The following MAGI2 variants were observed in gnomAD, a reference collection of about 807,000 sequenced individuals.
MAGI2 encodes the protein membrane associated guanylate kinase, WW and PDZ domain containing 2, also known as membrane-associated guanylate kinase, WW and PDZ domain-containing protein 2.
A neutral mutation model predicts 133.3 loss-of-function variants in MAGI2; 35 were observed. The observed-to-expected ratio is 0.26, with a 90% confidence interval of 0.20 to 0.35. MAGI2 has a LOEUF of 0.35. MAGI2 is among the 10% of genes least tolerant of loss of function. The pLI is 1.00. For synonymous variants in MAGI2, 729 were observed against 710.6 expected (o/e 1.03, Z -0.41); for missense variants, 1,636 against 1,863.4 (o/e 0.88, Z 2.25).
At chr7:78,254,418 A>C (rs889398587) in intron 10 of MAGI2, 10 of 152,222 alleles carry the variant, frequency 6.6e-5, no homozygotes, top group Non-Finnish European at 8.8e-5. Context: ...ATGGCTATTT[A>C]ATTAGCAATG....
intron 6 of MAGI2, among the ~76,000 whole-genome samples, chr7:78,489,171 T>A (rs937348858): frequency 1.3e-5 from 2 of 152,070 alleles, no homozygotes; most frequent in African/African-American, 4.8e-5. Context: ...CATCTAGTCC[T>A]CAAAATTATT....
At chr7:79,253,965 T>C (rs982993935) in intron 1 of MAGI2, among the ~76,000 whole-genome samples, 5 of 143,670 alleles carry the variant, frequency 3.5e-5, no homozygotes, top group Non-Finnish European at 6.1e-5. Flanking sequence ...TTTTGAGAGC[T>C]ATGCTAAATT....
intron 1 of MAGI2, among the ~76,000 whole-genome samples, chr7:79,086,462 A>G (rs2129542218): frequency 6.6e-6 from 1 of 152,066 alleles, no homozygotes; most frequent in South Asian, 2.1e-4. Context: ...TTAAAATGGC[A>G]CAAAACTCAC....
At chr7:78,237,793 A>T (rs1331418049) in intron 10 of MAGI2, among the ~76,000 whole-genome samples, 2 of 152,226 alleles carry the variant, frequency 1.3e-5, no homozygotes, top group South Asian at 4.1e-4. Flanking sequence ...AATATATATA[A>T]AAACATAGTA....
chr7:78,971,040 G>T (rs888210754), intron 2 of MAGI2, among the ~76,000 whole-genome samples: 2 of 152,012 alleles, frequency 1.3e-5, no homozygotes, highest in Admixed American at 6.6e-5. Context: ...TGGTGGGTTT[G>T]TGTCTAATAA....
intron 3 of MAGI2, among the ~76,000 whole-genome samples, chr7:78,598,350 G>A (rs1268055506): frequency 1.3e-5 from 2 of 152,062 alleles, no homozygotes; most frequent in African/African-American, 4.8e-5. Flanking sequence ...AGTCTGGTAC[G>A]GGGAGGTGCT....
rs139715696 is a variant in MAGI2 at position 78,787,371 on chromosome 7, G to A, written c.419-160132C>T. ...TTGGAACAGGGAATAAGCCACTTGGGAATAAAGATCTGCTTTGGGAGTATC... is the reference window on the plus strand; with the variant it reads ...TTGGAACAGGGAATAAGCCACTTGGAAATAAAGATCTGCTTTGGGAGTATC... On this transcript the variant is annotated intron_variant, in intron 2 of 21. Coordinates refer to ENST00000354212, the MANE Select transcript of MAGI2 (RefSeq NM_012301.4). Among the ~76,000 whole-genome samples the A allele has an allele frequency of 2.0e-5, 3 of 152,272 alleles. No homozygotes were observed. The East Asian group carries it at 5.8e-4, about 29-fold the overall frequency.
At chr7:78,842,674 T>C (rs1053910531) in intron 2 of MAGI2, among the ~76,000 whole-genome samples, 1 of 151,812 alleles carries the variant, frequency 6.6e-6, no homozygotes, top group Non-Finnish European at 1.5e-5. Context: ...ATTTATGTGA[T>C]CACTTTAATG....
At chr7:78,952,443 TTTCATTAA>T (rs1801948403) in intron 2 of MAGI2, among the ~76,000 whole-genome samples, 1 of 152,200 alleles carries the variant, frequency 6.6e-6, no homozygotes, top group East Asian at 1.9e-4. Flanking sequence ...CCATGTATTT[TTTCATTAA>T]TTCATTAATT....
At chr7:79,344,725 G>A (rs1841180187) in intron 1 of MAGI2, among the ~76,000 whole-genome samples, 1 of 152,110 alleles carries the variant, frequency 6.6e-6, no homozygotes, top group Non-Finnish European at 1.5e-5. Flanking sequence ...TTAGGAACTT[G>A]CGTTGTACCT....
chr7:78,188,851 G>A (rs539361979), intron 12 of MAGI2, among the ~76,000 whole-genome samples: 2 of 152,218 alleles, frequency 1.3e-5, no homozygotes, highest in East Asian at 1.9e-4. Context: ...ATTTAATTAC[G>A]TGGGAAAAGG....
At chr7:78,623,645 A>C (rs1807989249) in intron 3 of MAGI2, among the ~76,000 whole-genome samples, 1 of 152,106 alleles carries the variant, frequency 6.6e-6, no homozygotes, top group South Asian at 2.1e-4. Context: ...TAAACATCTC[A>C]GCCGCAATTT....
At chr7:79,433,718 C>G (rs1365028508) in intron 1 of MAGI2, among the ~76,000 whole-genome samples, 1 of 152,082 alleles carries the variant, frequency 6.6e-6, no homozygotes, top group Non-Finnish European at 1.5e-5. Context: ...TAAGTAAATT[C>G]AGCAATGTTT....
At chr7:79,195,826 C>G (rs893469222) in intron 1 of MAGI2, among the ~76,000 whole-genome samples, 1 of 151,368 alleles carries the variant, frequency 6.6e-6, no homozygotes, top group African/African-American at 2.4e-5. Context: ...CATGGATGAA[C>G]CTGGAGGACA....
chr7:78,225,554 T>C (rs774461686), intron 10 of MAGI2, among the ~76,000 whole-genome samples: 1 of 152,012 alleles, frequency 6.6e-6, no homozygotes, highest in African/African-American at 2.4e-5. Context: ...ACCAGAAAAA[T>C]GTTTTGAGCA....
chr7:78,848,147 A>G (rs529602), intron 2 of MAGI2, among the ~76,000 whole-genome samples: 108,516 of 151,582 alleles, frequency 0.72, 39,174 homozygotes, highest in Middle Eastern at 0.79. Context: ...GCTGTCTGAA[A>G]GGCACTCCAA....
chr7:78,306,689 A>T (rs1798267291), intron 9 of MAGI2, among the ~76,000 whole-genome samples: 1 of 152,144 alleles, frequency 6.6e-6, no homozygotes, highest in Non-Finnish European at 1.5e-5. Context: ...TGATGCTCTA[A>T]ATGTTGGAAG....
chr7:79,097,851 G>C (rs530912331), intron 1 of MAGI2, among the ~76,000 whole-genome samples: 132 of 152,258 alleles, frequency 8.7e-4, no homozygotes, highest in Admixed American at 2.0e-3. Flanking sequence ...GCCAGGCGTG[G>C]TGGCTTATGC....
intron 3 of MAGI2, among the ~76,000 whole-genome samples, chr7:78,583,161 A>G (rs1803017461): frequency 6.6e-6 from 1 of 152,164 alleles, no homozygotes; most frequent in Non-Finnish European, 1.5e-5. Context: ...AACAAAACAC[A>G]TATAAAAAAG....
Sources: allele counts gnomAD v4.1 joint callset (sites outside exome capture counted in the v4.1 genomes callset), GRCh38; gene constraint gnomAD v4.1.1; transcripts MANE v1.5; gene names NCBI Gene and HGNC (gene_info 2026-07-23, HGNC 2026-07-21).